DOK6: variants seen among roughly 807,000 people sequenced by gnomAD.
DOK6 encodes the protein docking protein 6, also known as downstream of tyrosine kinase 6.
Under a neutral mutation model 44.0 loss-of-function variants are expected in DOK6, and 22 were observed. The observed-to-expected ratio is 0.50, with a 90% CI of 0.36 to 0.71. The LOEUF (loss-of-function observed/expected upper bound fraction) is 0.71. Among genes scored for constraint, DOK6 ranks in the 30% least tolerant of loss-of-function variants. The probability of loss-of-function intolerance (pLI) is 0.00; values close to 1 mark genes in which losing one functional copy is unlikely to be tolerated. For missense variants in DOK6, 340 were observed against 416.4 expected, an observed-to-expected ratio of 0.82 and a Z score of 1.60; for synonymous variants, 166 against 145.5, an observed-to-expected ratio of 1.14 and a Z score of -1.01.
chr18:69,833,118 CA>C (rs1391224780), intron 7 of DOK6, among the ~76,000 whole-genome samples: 1 of 152,022 alleles, frequency 6.6e-6, no homozygotes, highest in Non-Finnish European at 1.5e-5. Context: ...CTATCCTGAG[CA>C]AAAAGAACAA....
chr18:69,729,289 T>C (rs1978334041), intron 5 of DOK6, among the ~76,000 whole-genome samples: 1 of 152,182 alleles, frequency 6.6e-6, no homozygotes, highest in Admixed American at 6.6e-5. Context: ...CGCTTTGTTA[T>C]TTCATTTTTT....
chr18:69,800,207 T>C (rs1255849796), intron 7 of DOK6, among the ~76,000 whole-genome samples: 1 of 152,104 alleles, frequency 6.6e-6, no homozygotes, highest in Non-Finnish European at 1.5e-5. Context: ...TTTCAGAGTA[T>C]TTTAATATTT....
intron 1 of DOK6, among the ~76,000 whole-genome samples, chr18:69,486,767 T>C (rs1980588431): frequency 6.6e-6 from 1 of 152,196 alleles, no homozygotes; most frequent in Non-Finnish European, 1.5e-5. Context: ...TGGTAAATCT[T>C]AAACCTACCA....
intron 5 of DOK6, among the ~76,000 whole-genome samples, chr18:69,712,063 C>T (rs1187608809): frequency 1.1e-4 from 16 of 151,168 alleles, no homozygotes; most frequent in African/African-American, 2.2e-4. Context: ...GGGCGGATCA[C>T]GAGGTCAGGA....
chr18:69,434,050 T>C (rs1464751582), intron 1 of DOK6, among the ~76,000 whole-genome samples: 1 of 152,248 alleles, frequency 6.6e-6, no homozygotes, highest in East Asian at 1.9e-4. Context: ...TCATACATTT[T>C]AACTATTTCT....
At chr18:69,509,663 A>AAAAAAAAAAC (rs397977960) in intron 1 of DOK6, among the ~76,000 whole-genome samples, 11 of 115,588 alleles carry the variant, frequency 9.5e-5, no homozygotes, top group African/African-American at 3.1e-4. Flanking sequence ...AAAAAAAAAA[A>AAAAAAAAAAC]CACACAAGTC....
intron 1 of DOK6, among the ~76,000 whole-genome samples, chr18:69,539,736 C>T (rs192600733): frequency 4.6e-5 from 7 of 152,072 alleles, no homozygotes; most frequent in African/African-American, 7.2e-5. Context: ...AACTTATGCA[C>T]GTAACATTGT....
At position 69,611,486 on chromosome 18, in the gene DOK6, A is replaced by G. The variant is rs540269039; in HGVS notation, c.289+11988A>G. 2.1e-5 allele frequency among the ~76,000 whole-genome samples: 3 copies of G among 143,028 alleles called. 1 individual carries two copies. In the East Asian group the frequency reaches 6.6e-4, roughly 31 times the overall value. 93.8% of individuals were successfully genotyped at this position (143,028 alleles called of 152,430 possible). A position where few individuals can be genotyped will look rare whatever the true frequency, so the allele number is the denominator to read the frequency against. On this transcript the variant is annotated intron_variant, in intron 3 of 7. Coordinates refer to ENST00000382713, the MANE Select transcript of DOK6 (RefSeq NM_152721.6). ...TTATCCCAAAAAAGGAAAAAGAAACAAGTACACGTACACACACACACACAC... is the reference window on the plus strand; with the variant it reads ...TTATCCCAAAAAAGGAAAAAGAAACGAGTACACGTACACACACACACACAC...
At chr18:69,789,137 A>C (rs2145095842) in intron 7 of DOK6, among the ~76,000 whole-genome samples, 1 of 152,294 alleles carries the variant, frequency 6.6e-6, no homozygotes, top group East Asian at 1.9e-4. Context: ...TCAAAGCAAC[A>C]ATTGTGAAAA....
intron 7 of DOK6, 45 bp from the exon 8 acceptor site, chr18:69,841,199 T>C: frequency 1.2e-6 from 2 of 1,611,716 alleles, no homozygotes; most frequent in Non-Finnish European, 1.7e-6. Context: ...TCTTTTGTGC[T>C]TCTGAATCTG....
At chr18:69,731,194 A>G (rs1448433149) in intron 5 of DOK6, among the ~76,000 whole-genome samples, 1 of 152,214 alleles carries the variant, frequency 6.6e-6, no homozygotes, top group Admixed American at 6.5e-5. Context: ...CTTAATCTCC[A>G]TATACATTTA....
At position 69,706,052 on chromosome 18, in the gene DOK6, C is replaced by G. The variant is rs1053286481; in HGVS notation, c.599+7459C>G. ...AAGGTAAACAATTACTGGTCTCAAG[C>G]GAGAGAACTTGACAGCACTGTTTGT... On this transcript the variant is annotated intron_variant, in intron 5 of 7. Coordinates refer to ENST00000382713, the MANE Select transcript of DOK6 (RefSeq NM_152721.6). Among the ~76,000 whole-genome samples, 4 of 152,248 alleles carry G rather than the reference C, an allele frequency of 2.6e-5. No homozygotes were observed. In the South Asian group the frequency reaches 8.3e-4, roughly 32 times the overall value.
At chr18:69,548,335 AC>A in intron 1 of DOK6, among the ~76,000 whole-genome samples, 1 of 151,404 alleles carries the variant, frequency 6.6e-6, no homozygotes, top group African/African-American at 2.4e-5. Flanking sequence ...AACAGGGGGC[AC>A]CTTTTTATAG....
intron 1 of DOK6, among the ~76,000 whole-genome samples, chr18:69,544,092 A>AC (rs1330015065): frequency 1.0e-4 from 13 of 126,628 alleles, no homozygotes; most frequent in Non-Finnish European, 2.3e-4. Flanking sequence ...CCCTGTCTCT[A>AC]CTAAAAAAAA....
In DOK6 at chr18:69,416,746, G is replaced by A. The variant is rs141774163; in HGVS notation, c.66+15436G>A. On this transcript the variant is annotated intron_variant, in intron 1 of 7. Transcript: ENST00000382713. Reference sequence around the variant, plus strand: ...TTTGTAACCTAGGCCCACCTCATAGGGCTGTGAGGGCTGTGCTCAGCACAA... The same window carrying A: ...TTTGTAACCTAGGCCCACCTCATAGAGCTGTGAGGGCTGTGCTCAGCACAA... Among the ~76,000 whole-genome samples the A allele has an allele frequency of 2.2e-3, 335 of 152,180 alleles. 1 individual carries two copies. The highest frequency in any genetic ancestry group is 7.6e-3 in the African/African-American group (316 of 41,538).
chr18:69,603,116 A>G (rs769968951), intron 3 of DOK6, among the ~76,000 whole-genome samples: 1 of 152,218 alleles, frequency 6.6e-6, no homozygotes, highest in African/African-American at 2.4e-5. Context: ...AGCCTACCAC[A>G]TGTTCTTTTA....
At chr18:69,467,955 C>T (rs1979976008) in intron 1 of DOK6, among the ~76,000 whole-genome samples, 1 of 152,110 alleles carries the variant, frequency 6.6e-6, no homozygotes, top group African/African-American at 2.4e-5. Flanking sequence ...GGAGAGACAG[C>T]TTGCAGTTTT....
intron 7 of DOK6, among the ~76,000 whole-genome samples, chr18:69,802,392 T>C (rs1388079102): frequency 6.6e-6 from 1 of 152,188 alleles, no homozygotes; most frequent in Non-Finnish European, 1.5e-5. Flanking sequence ...TAGTAAGTCA[T>C]GGAGCATCAG....
At chr18:69,789,865 G>A (rs182209787) in intron 7 of DOK6, among the ~76,000 whole-genome samples, 13 of 152,054 alleles carry the variant, frequency 8.5e-5, no homozygotes, top group Admixed American at 7.9e-4. Flanking sequence ...CTGCCACTAA[G>A]CCCTCCACAC....
Sources: gnomAD v4.1 joint callset for allele counts (sites outside exome capture counted in the v4.1 genomes callset) on GRCh38, gnomAD v4.1.1 for gene constraint, MANE v1.5 for transcripts, NCBI Gene and HGNC (gene_info 2026-07-23, HGNC 2026-07-21) for gene names.